The following KAZN variants were observed in gnomAD, a reference collection of about 807,000 sequenced individuals.
The protein encoded by KAZN is kazrin.
In KAZN, 40 loss-of-function variants were observed where a neutral mutation model predicts 87.4. That is an observed-to-expected ratio of 0.46 (90% CI 0.36 to 0.60). The LOEUF is 0.60. Ranked by LOEUF, KAZN falls within the 20% of genes least tolerant of loss-of-function variation. The pLI is 0.00. For missense variants in KAZN, 898 were observed against 1,073.9 expected, an observed-to-expected ratio of 0.84 and a Z score of 2.29; for synonymous variants, 466 against 458.3, an observed-to-expected ratio of 1.02 and a Z score of -0.22.
chr1:14,417,986 A>G, intron 2 of KAZN, among the ~76,000 whole-genome samples: 1 of 113,522 alleles, frequency 8.8e-6, no homozygotes, highest in East Asian at 3.0e-4. Flanking sequence ...ACAGAGTGAG[A>G]CTGCCTCAAA....
At chr1:14,357,657 C>G (rs938876555) in intron 2 of KAZN, among the ~76,000 whole-genome samples, 1 of 152,128 alleles carries the variant, frequency 6.6e-6, no homozygotes, top group East Asian at 1.9e-4. Flanking sequence ...TATCAAAGGC[C>G]ATTTCTGCAT....
chr1:14,162,750 T>TACTAAATG (rs1645737667), intron 1 of KAZN, among the ~76,000 whole-genome samples: 1 of 152,068 alleles, frequency 6.6e-6, no homozygotes, highest in Admixed American at 6.5e-5. Flanking sequence ...TTCACCGTGT[T>TACTAAATG]AGCCAGGATG....
intron 1 of KAZN, among the ~76,000 whole-genome samples, chr1:14,174,343 G>A (rs934123003): frequency 1.3e-5 from 2 of 152,202 alleles, no homozygotes; most frequent in Non-Finnish European, 2.9e-5. Flanking sequence ...GGAGTAGAGA[G>A]GGAACTTATG....
chr1:14,036,802 T>A (rs1032336519), intron 1 of KAZN, among the ~76,000 whole-genome samples: 4 of 151,782 alleles, frequency 2.6e-5, no homozygotes, highest in Admixed American at 2.6e-4. Flanking sequence ...TATTTTGAGA[T>A]GGAGTCTCGC....
At chr1:14,232,653 T>C (rs1255494975) in intron 2 of KAZN, among the ~76,000 whole-genome samples, 1 of 152,244 alleles carries the variant, frequency 6.6e-6, no homozygotes, top group African/African-American at 2.4e-5. Context: ...CATTTCTCTC[T>C]GGCTTAGTAG....
chr1:14,221,531 A>G (rs1371137134), intron 2 of KAZN, among the ~76,000 whole-genome samples: 1 of 152,062 alleles, frequency 6.6e-6, no homozygotes, highest in Non-Finnish European at 1.5e-5. Context: ...CCTTAAAAAG[A>G]GGAGCTTGAG....
At chr1:14,723,411 G>A (rs903236530) in intron 1 of KAZN, among the ~76,000 whole-genome samples, 8 of 152,162 alleles carry the variant, frequency 5.3e-5, no homozygotes, top group African/African-American at 1.9e-4. Flanking sequence ...CTCAGGTCCC[G>A]GGGCAGCAAT....
At chr1:14,550,740 CCCCA>C (rs1269388526) in intron 2 of KAZN, among the ~76,000 whole-genome samples, 4 of 40,564 alleles carry the variant, frequency 9.9e-5, no homozygotes, top group Admixed American at 2.4e-4. Flanking sequence ...TCTCTCTCTC[CCCCA>C]CCCCGCCACC....
intron 2 of KAZN, among the ~76,000 whole-genome samples, chr1:14,986,200 G>A (rs1423839300): frequency 6.6e-6 from 1 of 152,012 alleles, no homozygotes; most frequent in African/African-American, 2.4e-5. Context: ...ATATGGACCT[G>A]CGTTCGATGA....
chr1:14,472,279 ATCAG>A (rs1668498668), intron 2 of KAZN, among the ~76,000 whole-genome samples: 1 of 152,246 alleles, frequency 6.6e-6, no homozygotes, highest in African/African-American at 2.4e-5. Context: ...AGCTAAGTGT[ATCAG>A]TCAGTTATGC....
intron 1 of KAZN, among the ~76,000 whole-genome samples, chr1:13,932,940 G>C (rs1028042411): frequency 1.3e-5 from 2 of 152,042 alleles, no homozygotes; most frequent in Admixed American, 6.6e-5. Flanking sequence ...TTTTTTGGGG[G>C]AATAATTTTA....
rs777766407 is a variant in KAZN, at chr1:15,065,722, G to C, written c.1191G>C (p.Gln397His). Residue 397 changes from glutamine (Q) to histidine (H), a missense_variant, in exon 8 of 15, where the codon CAG (glutamine) becomes CAC (histidine). Physicochemically the swap from Gln to His is conservative, Grantham distance 24. Around this residue, in one of 3 missense-constraint regions of KAZN, gnomAD observed 521 missense variants for 689.4 expected, o/e 0.76. Transcript: ENST00000376030. ...CCCGCGTCTTCGCCAGAGGGAAGCA[G>C]CGGAAGTCCCTCGACCCCGGCCTCT... is the stretch of plus-strand genomic sequence containing the variant. ...SISRVFARGKQRKSLDPGLFD... is the reference protein window; with the variant it reads ...SISRVFARGKHRKSLDPGLFD... The C allele has an allele frequency of 1.2e-6, 2 of 1,614,262 alleles. No individual in the cohort carries two copies. The highest frequency in any genetic ancestry group is 1.1e-5 in the South Asian group (1 of 91,092).
intron 1 of KAZN, among the ~76,000 whole-genome samples, chr1:14,664,134 A>G (rs1022604692): frequency 7.2e-5 from 11 of 152,246 alleles, no homozygotes; most frequent in Non-Finnish European, 1.6e-4. Flanking sequence ...TTATAAAAAC[A>G]GAAAGTAGAG....
chr1:14,895,109 C>T (rs1196818283), intron 1 of KAZN, among the ~76,000 whole-genome samples: 2 of 152,260 alleles, frequency 1.3e-5, no homozygotes, highest in Non-Finnish European at 2.9e-5. Flanking sequence ...CTGGCCCCTC[C>T]CTGGCTTTGC....
chr1:14,986,022 A>AAAAAC (rs2101922407), intron 2 of KAZN, among the ~76,000 whole-genome samples: 1 of 151,218 alleles, frequency 6.6e-6, no homozygotes, highest in African/African-American at 2.4e-5. Context: ...AAAAAAAAAA[A>AAAAAC]AAGGAAAGAA....
At chr1:14,453,730 G>C (rs1667409907) in intron 2 of KAZN, among the ~76,000 whole-genome samples, 1 of 152,180 alleles carries the variant, frequency 6.6e-6, no homozygotes, top group African/African-American at 2.4e-5. Flanking sequence ...CAGCTACTAG[G>C]GATGCTGAGG....
At chr1:14,022,178 T>A (rs1478482870) in intron 1 of KAZN, among the ~76,000 whole-genome samples, 1 of 152,106 alleles carries the variant, frequency 6.6e-6, no homozygotes, top group Non-Finnish European at 1.5e-5. Flanking sequence ...GTATGTTGTG[T>A]GCATGCATGC....
At chr1:14,782,574 AAAAAG>A (rs1645389344) in intron 1 of KAZN, among the ~76,000 whole-genome samples, 1 of 150,710 alleles carries the variant, frequency 6.6e-6, no homozygotes, top group African/African-American at 2.4e-5. Flanking sequence ...AAAAAAAAAA[AAAAAG>A]AAAAGAAAAA....
chr1:14,016,781 A>G (rs949713897), intron 1 of KAZN, among the ~76,000 whole-genome samples: 3 of 152,224 alleles, frequency 2.0e-5, no homozygotes, highest in Non-Finnish European at 4.4e-5. Context: ...ACAAAACACA[A>G]AAACCTACAG....
Sources: gnomAD v4.1 joint callset for allele counts (sites outside exome capture counted in the v4.1 genomes callset) on GRCh38, gnomAD v4.1.1 for gene constraint, gnomAD v4.1.1 regional missense constraint, MANE v1.5 for transcripts, NCBI Gene and HGNC (gene_info 2026-07-23, HGNC 2026-07-21) for gene names.